Variants in CSMD1 observed in about 807,000 individuals in gnomAD.
CSMD1 encodes the protein CUB and Sushi multiple domains 1, also known as CUB and sushi domain-containing protein 1.
Under a neutral mutation model 417.5 loss-of-function variants are expected in CSMD1, and 213 were observed. That is an observed-to-expected ratio of 0.51 (90% CI 0.46 to 0.57). CSMD1 has a LOEUF of 0.57. CSMD1 is among the 20% of genes least tolerant of loss of function. The pLI is 0.00. For synonymous variants in CSMD1, 2,862 were observed against 1,736.8 expected, an observed-to-expected ratio of 1.65 and a Z score of -16.11; for missense variants, 6,923 against 4,529.7, an observed-to-expected ratio of 1.53 and a Z score of -15.17.
chr8:3,304,795 G>T (rs1804696752), intron 25 of CSMD1, among the ~76,000 whole-genome samples: 1 of 151,814 alleles, frequency 6.6e-6, no homozygotes, highest in Non-Finnish European at 1.5e-5. Flanking sequence ...GTGAATCCAT[G>T]ACTTGGTTTG....
At chr8:3,610,998 C>T (rs927010921) in intron 8 of CSMD1, among the ~76,000 whole-genome samples, 1 of 146,598 alleles carries the variant, frequency 6.8e-6, no homozygotes, top group South Asian at 2.1e-4. Flanking sequence ...AACCAAACAC[C>T]GCATGTTCTC....
intron 62 of CSMD1, among the ~76,000 whole-genome samples, chr8:2,959,288 A>T (rs963292379): frequency 2.6e-5 from 4 of 152,096 alleles, no homozygotes; most frequent in African/African-American, 9.7e-5. Flanking sequence ...TATTCTTTGT[A>T]GAAATAGGGT....
chr8:3,191,375 C>T (rs1302407922), intron 33 of CSMD1, among the ~76,000 whole-genome samples: 1 of 152,116 alleles, frequency 6.6e-6, no homozygotes, highest in African/African-American at 2.4e-5. Flanking sequence ...ATAATCGCTT[C>T]ACCCTGGGAG....
chr8:3,607,337 C>T (rs1801668022), intron 8 of CSMD1, among the ~76,000 whole-genome samples: 1 of 152,190 alleles, frequency 6.6e-6, no homozygotes, highest in African/African-American at 2.4e-5. Flanking sequence ...TGGATACCAC[C>T]TGAAGGACCT....
intron 1 of CSMD1, among the ~76,000 whole-genome samples, chr8:4,694,741 T>G (rs1301481389): frequency 6.6e-6 from 1 of 152,150 alleles, no homozygotes; most frequent in Non-Finnish European, 1.5e-5. Flanking sequence ...CCAACCACCT[T>G]GGGCACATGT....
intron 2 of CSMD1, among the ~76,000 whole-genome samples, chr8:4,471,846 T>A (rs1369652890): frequency 6.6e-6 from 1 of 152,090 alleles, no homozygotes; most frequent in African/African-American, 2.4e-5. Flanking sequence ...GCAAGGAAGG[T>A]GTTTTCAATG....
chr8:4,450,996 T>A, intron 2 of CSMD1, among the ~76,000 whole-genome samples: 1 of 147,732 alleles, frequency 6.8e-6, no homozygotes, highest in African/African-American at 2.6e-5. Flanking sequence ...AATTGACAGC[T>A]AAGCTTTCTG....
intron 1 of CSMD1, among the ~76,000 whole-genome samples, chr8:4,679,071 C>T (rs961104749): frequency 6.6e-6 from 1 of 152,170 alleles, no homozygotes; most frequent in Admixed American, 6.5e-5. Flanking sequence ...TGACTCTATT[C>T]CTCCCTCAGG....
intron 2 of CSMD1, among the ~76,000 whole-genome samples, chr8:4,491,680 C>T (rs1304143931): frequency 6.6e-6 from 1 of 152,156 alleles, no homozygotes; most frequent in Non-Finnish European, 1.5e-5. Flanking sequence ...CACCACTACA[C>T]ACCAATGAAG....
intron 26 of CSMD1, among the ~76,000 whole-genome samples, chr8:3,244,328 A>T (rs930910263): frequency 2.0e-5 from 3 of 152,164 alleles, no homozygotes; most frequent in Non-Finnish European, 4.4e-5. Context: ...TTTAGGAATC[A>T]GGCAGTCACT....
At chr8:4,863,816 T>C (rs1802272868) in intron 1 of CSMD1, among the ~76,000 whole-genome samples, 1 of 152,064 alleles carries the variant, frequency 6.6e-6, no homozygotes, top group South Asian at 2.1e-4. Flanking sequence ...AACATGAAAA[T>C]CCTTTAGGAA....
At chr8:4,610,260 A>T (rs886968983) in intron 2 of CSMD1, among the ~76,000 whole-genome samples, 3 of 152,174 alleles carry the variant, frequency 2.0e-5, no homozygotes, top group African/African-American at 7.2e-5. Context: ...ATCAAGTGGG[A>T]AGTTCGTGAA....
chr8:4,639,357 G>A (rs924645937), intron 1 of CSMD1, among the ~76,000 whole-genome samples: 16 of 150,122 alleles, frequency 1.1e-4, no homozygotes, highest in Non-Finnish European at 5.9e-5. Context: ...AGCTGAAAAC[G>A]GGGCAGACAG....
chr8:4,401,712 T>A (rs10503260), intron 3 of CSMD1, among the ~76,000 whole-genome samples: 15,201 of 152,122 alleles, frequency 0.1, 963 homozygotes, highest in East Asian at 0.26. Flanking sequence ...ATCCTCCTTC[T>A]TTGAGAATTC....
chr8:4,470,884 G>A (rs12547327), intron 2 of CSMD1, among the ~76,000 whole-genome samples: 87,135 of 151,982 alleles, frequency 0.57, 25,636 homozygotes, highest in East Asian at 0.7. Context: ...TTATTTTTAA[G>A]TAACTCTTAA....
intron 5 of CSMD1, among the ~76,000 whole-genome samples, chr8:3,856,229 G>A (rs1341620507): frequency 6.6e-6 from 1 of 152,000 alleles, no homozygotes; most frequent in East Asian, 1.9e-4. Context: ...AGCTGTTTGT[G>A]TAGCACCTGC....
At chr8:3,376,019 T>C (rs1456653170) in intron 18 of CSMD1, among the ~76,000 whole-genome samples, 1 of 152,200 alleles carries the variant, frequency 6.6e-6, no homozygotes, top group Non-Finnish European at 1.5e-5. Context: ...TTTATCCTCA[T>C]CCACTTTTCT....
intron 1 of CSMD1, among the ~76,000 whole-genome samples, chr8:4,821,157 G>A (rs902044257): frequency 2.0e-5 from 3 of 152,156 alleles, no homozygotes; most frequent in African/African-American, 7.2e-5. Context: ...CTGAGTCACA[G>A]ATCCTCTCTT....
intron 7 of CSMD1, among the ~76,000 whole-genome samples, chr8:3,638,678 G>A (rs1008033107): frequency 1.3e-5 from 2 of 152,094 alleles, no homozygotes; most frequent in Non-Finnish European, 1.5e-5. Flanking sequence ...ACGGTTCTGT[G>A]GACCAGAAAG....
Sources: gnomAD v4.1 joint callset for allele counts (sites outside exome capture counted in the v4.1 genomes callset) on GRCh38, gnomAD v4.1.1 for gene constraint, MANE v1.5 for transcripts, NCBI Gene and HGNC (gene_info 2026-07-23, HGNC 2026-07-21) for gene names.